Variants in PTPRZ1 observed in about 807,000 individuals in gnomAD.
The protein encoded by PTPRZ1 is protein tyrosine phosphatase receptor type Z1.
In PTPRZ1, 82 loss-of-function variants were observed where a neutral mutation model predicts 214.1. The ratio of observed to expected loss-of-function variants is 0.38; its 90% CI spans 0.32 to 0.46. The LOEUF (loss-of-function observed/expected upper bound fraction) is 0.46. Ranked by LOEUF, PTPRZ1 falls within the 20% of genes least tolerant of loss-of-function variation. The probability of loss-of-function intolerance (pLI) is 1.00; values close to 1 mark genes in which losing one functional copy is unlikely to be tolerated. For synonymous variants in PTPRZ1, 945 were observed against 987.9 expected (o/e 0.96, Z 0.81); for missense variants, 2,603 against 2,748.7 (o/e 0.95, Z 1.19).
intron 1 of PTPRZ1, among the ~76,000 whole-genome samples, chr7:121,904,402 G>A (rs1458355907): frequency 6.6e-6 from 1 of 152,124 alleles, no homozygotes; most frequent in African/African-American, 2.4e-5. Flanking sequence ...CTGTGCAGTG[G>A]GGGTGCTCAC....
At chr7:121,918,673 A>G (rs1321381978) in intron 1 of PTPRZ1, among the ~76,000 whole-genome samples, 1 of 152,080 alleles carries the variant, frequency 6.6e-6, no homozygotes, top group Non-Finnish European at 1.5e-5. Context: ...AAGTGCATAG[A>G]CACTTTAAAT....
intron 1 of PTPRZ1, among the ~76,000 whole-genome samples, chr7:121,891,362 T>C (rs1035045969): frequency 6.6e-6 from 1 of 151,738 alleles, no homozygotes; most frequent in Non-Finnish European, 1.5e-5. Context: ...TGAAGGTTTT[T>C]GTGTTTGTTC....
At chr7:122,024,370 A>G (rs1052198158) in intron 13 of PTPRZ1, among the ~76,000 whole-genome samples, 1 of 152,032 alleles carries the variant, frequency 6.6e-6, no homozygotes, top group Non-Finnish European at 1.5e-5. Flanking sequence ...ACATAAACAC[A>G]ATTGTTTTGG....
chr7:122,023,306 T>C (rs1799076107), intron 13 of PTPRZ1, among the ~76,000 whole-genome samples: 2 of 151,256 alleles, frequency 1.3e-5, no homozygotes, highest in African/African-American at 4.8e-5. Context: ...ATCTCTTTCC[T>C]AGTTCTGCCC....
intron 1 of PTPRZ1, among the ~76,000 whole-genome samples, chr7:121,892,166 A>G (rs1794650169): frequency 6.6e-6 from 1 of 152,098 alleles, no homozygotes; most frequent in South Asian, 2.1e-4. Flanking sequence ...AATTGTTTGA[A>G]GTGTTGTTAG....
At chr7:122,029,213 G>T (rs1275416540) in intron 14 of PTPRZ1, among the ~76,000 whole-genome samples, 1 of 151,612 alleles carries the variant, frequency 6.6e-6, no homozygotes, top group Non-Finnish European at 1.5e-5. Context: ...TCAAAATGTT[G>T]AACAGTTGAA....
Position 122,061,254 on chromosome 7 carries a change from A to G in PTPRZ1, c.*34A>G. 2 of 1,502,560 alleles carry G rather than the reference A, an allele frequency of 1.3e-6. No homozygotes were observed. Among genetic ancestry groups the G allele is most frequent in the South Asian group, 1.3e-5 (1 of 76,120 alleles). 93.1% of individuals were successfully genotyped at this position (1,502,560 alleles called of 1,614,324 possible). Reference sequence around the variant, plus strand: ...GGGGTGGGGGAACTCACATCTGAGCATTGTTTTCCTCTTCCTAAAATTAGG... The same window carrying G: ...GGGGTGGGGGAACTCACATCTGAGCGTTGTTTTCCTCTTCCTAAAATTAGG... On this transcript the variant is annotated 3_prime_UTR_variant, in exon 30 of 30. Transcript: ENST00000393386.
chr7:121,962,785 C>T (rs1796921137), intron 2 of PTPRZ1, among the ~76,000 whole-genome samples: 2 of 151,952 alleles, frequency 1.3e-5, no homozygotes, highest in Admixed American at 6.6e-5. Flanking sequence ...AGGCTGGTCT[C>T]GAACTCCTGA....
chr7:121,943,415 A>AAGCTC (rs1385254632), intron 2 of PTPRZ1, among the ~76,000 whole-genome samples: 1 of 152,094 alleles, frequency 6.6e-6, no homozygotes, highest in Non-Finnish European at 1.5e-5. Flanking sequence ...GGCTCACTGC[A>AAGCTC]AGCTCCACCT....
chr7:122,031,861 T>C lies in PTPRZ1; in HGVS notation c.5166+302T>C, dbSNP rs1262326594. On this transcript the variant is annotated intron_variant, in intron 15 of 29. Coordinates refer to ENST00000393386, the MANE Select transcript of PTPRZ1 (RefSeq NM_002851.3). Reference sequence around the variant, plus strand: ...TTAAAATCTGAATTAATAACAATGATTCTTTTTAATTTTCTAAATTCTATA... The same window carrying C: ...TTAAAATCTGAATTAATAACAATGACTCTTTTTAATTTTCTAAATTCTATA... The C allele has an allele frequency of 3.0e-5, 5 of 167,042 alleles. No homozygotes were observed. The East Asian group carries it at 8.0e-4, about 27-fold the overall frequency. The allele number at this position is 167,042 out of a possible 1,614,324, so 10.3% of individuals were successfully genotyped here.
rs572586635 is a variant in PTPRZ1, at chr7:121,948,315, T to C, written c.125-19636T>C. On this transcript the variant is annotated intron_variant, in intron 2 of 29. Coordinates refer to ENST00000393386, the MANE Select transcript of PTPRZ1 (RefSeq NM_002851.3). ...AAATAATTGCAGAGTATGATAGCTA[T>C]TGTGAAAAGAATAAACCTGGCCAAA... Among the ~76,000 whole-genome samples the C allele has an allele frequency of 2.6e-5, 4 of 152,200 alleles. No individual in the cohort carries two copies. In the South Asian group the frequency reaches 8.3e-4, roughly 32 times the overall value.
At chr7:121,959,069 C>T (rs544046083) in intron 2 of PTPRZ1, among the ~76,000 whole-genome samples, 10 of 152,286 alleles carry the variant, frequency 6.6e-5, no homozygotes, top group African/African-American at 2.4e-4. Context: ...GTGATCCGCC[C>T]GTCTCGGCCT....
At chr7:121,898,268 T>C (rs1474720855) in intron 1 of PTPRZ1, among the ~76,000 whole-genome samples, 3 of 151,702 alleles carry the variant, frequency 2.0e-5, no homozygotes, top group Non-Finnish European at 4.4e-5. Flanking sequence ...ATGGGTTTTT[T>C]TTTTCATGTT....
At position 121,964,324 on chromosome 7, in the gene PTPRZ1, A is replaced by G. The variant is rs537384348; in HGVS notation, c.125-3627A>G. ...GCTGGGGAGGCCTCGGGAAACTTAC[A>G]ATCATGGTATAAAGGGAAGCAAATA... On this transcript the variant is annotated intron_variant, in intron 2 of 29. Transcript: ENST00000393386. Among the ~76,000 whole-genome samples, 3 of 152,332 alleles carry G rather than the reference A, an allele frequency of 2.0e-5. No individual in the cohort carries two copies. The South Asian group carries it at 6.2e-4, about 32-fold the overall frequency.
chr7:121,957,325 C>T (rs537936052), intron 2 of PTPRZ1, among the ~76,000 whole-genome samples: 3,508 of 152,132 alleles, frequency 0.023, 43 homozygotes, highest in Middle Eastern at 0.034. Flanking sequence ...GGCATGGTGG[C>T]GGCGATGGTG....
At chr7:122,004,694 A>C (rs878996826) in intron 11 of PTPRZ1, 34 bp downstream of exon 11, 1 of 1,176,996 alleles carries the variant, frequency 8.5e-7, no homozygotes, top group South Asian at 1.4e-5. Flanking sequence ...AAATGTTTTA[A>C]TATTAAATGG....
intron 25 of PTPRZ1, 77 bp from the exon 26 acceptor site, chr7:122,053,833 C>A: frequency 6.6e-7 from 1 of 1,523,672 alleles, no homozygotes; most frequent in Non-Finnish European, 8.9e-7. Context: ...ACTTAAGGTC[C>A]ATTGATGTAT....
chr7:121,920,344 CAT>C (rs1332538967), intron 1 of PTPRZ1, among the ~76,000 whole-genome samples: 7 of 152,126 alleles, frequency 4.6e-5, no homozygotes, highest in Non-Finnish European at 8.8e-5. Flanking sequence ...CATATAATAA[CAT>C]AATACATAAA....
intron 2 of PTPRZ1, among the ~76,000 whole-genome samples, chr7:121,957,335 G>A (rs1796739473): frequency 6.6e-6 from 1 of 152,106 alleles, no homozygotes; most frequent in African/African-American, 2.4e-5. Flanking sequence ...CGGCGATGGT[G>A]GTGGGATGTA....
Sources: allele counts gnomAD v4.1 joint callset (sites outside exome capture counted in the v4.1 genomes callset), GRCh38; gene constraint gnomAD v4.1.1; transcripts MANE v1.5; gene names NCBI Gene and HGNC (gene_info 2026-07-23, HGNC 2026-07-21).